DSCAM: variants seen among roughly 807,000 people sequenced by gnomAD.
DSCAM encodes DS cell adhesion molecule, also known as cell adhesion molecule DSCAM.
A neutral mutation model predicts 217.7 loss-of-function variants in DSCAM; 47 were observed. The observed-to-expected ratio is 0.22, with a 90% CI of 0.17 to 0.28. The LOEUF (loss-of-function observed/expected upper bound fraction) is 0.28, where lower values mean the gene tolerates loss of function less well. Among genes scored for constraint, DSCAM ranks in the 10% least tolerant of loss-of-function variants. The probability of loss-of-function intolerance (pLI) is 1.00; values close to 1 mark genes in which losing one functional copy is unlikely to be tolerated. For missense variants in DSCAM, 2,080 were observed against 2,618.3 expected (o/e 0.79, Z 4.49); for synonymous variants, 1,056 against 1,015.3 (o/e 1.04, Z -0.76).
At chr21:40,785,426 T>C (rs929307726) in intron 1 of DSCAM, among the ~76,000 whole-genome samples, 1 of 152,218 alleles carries the variant, frequency 6.6e-6, no homozygotes, top group Non-Finnish European at 1.5e-5. Flanking sequence ...AAGGTGCTCC[T>C]GAAGTTTCCT....
intron 4 of DSCAM, among the ~76,000 whole-genome samples, chr21:40,359,148 C>A (rs573418035): frequency 2.6e-5 from 4 of 152,146 alleles, no homozygotes; most frequent in African/African-American, 9.7e-5. Flanking sequence ...ATATGGGGAC[C>A]TGGAATCTTC....
At chr21:40,222,679 A>ATTTT (rs2091298678) in intron 11 of DSCAM, among the ~76,000 whole-genome samples, 4 of 104,444 alleles carry the variant, frequency 3.8e-5, no homozygotes, top group Admixed American at 2.1e-4. Context: ...TTCTAAAAAT[A>ATTTT]GTTTATTAAG....
At chr21:40,420,694 G>A (rs906723687) in intron 3 of DSCAM, among the ~76,000 whole-genome samples, 3 of 152,126 alleles carry the variant, frequency 2.0e-5, no homozygotes, top group Non-Finnish European at 4.4e-5. Context: ...CAATATGCCT[G>A]GTATCTTTAT....
chr21:40,578,972 A>T (rs2076880309), intron 3 of DSCAM, among the ~76,000 whole-genome samples: 1 of 152,224 alleles, frequency 6.6e-6, no homozygotes, highest in Admixed American at 6.5e-5. Flanking sequence ...CAACTTGATG[A>T]TGTAAATTGA....
At chr21:40,078,620 A>G (rs1365443481) in intron 26 of DSCAM, 67 bp downstream of exon 26, 1 of 1,555,246 alleles carries the variant, frequency 6.4e-7, no homozygotes, top group Non-Finnish European at 8.7e-7. Flanking sequence ...TCGATGGGAA[A>G]GGGGCAGGGC....
chr21:40,807,181 C>T lies in DSCAM; in HGVS notation c.43+39438G>A, dbSNP rs78462068. Among the ~76,000 whole-genome samples the T allele has an allele frequency of 8.7e-3, 1,321 of 152,172 alleles. 7 individuals carry two copies. The highest frequency in any genetic ancestry group is 0.013 in the Non-Finnish European group (884 of 68,000). On this transcript the variant is annotated intron_variant, in intron 1 of 32. Coordinates refer to ENST00000400454, the MANE Select transcript of DSCAM (RefSeq NM_001389.5). ...AGGAGAAACGTAATATAAGGAAAAA[C>T]ATAAATATTTTATTAGGGGTTTATT...
At chr21:40,524,259 A>T (rs1392556852) in intron 3 of DSCAM, among the ~76,000 whole-genome samples, 1 of 152,180 alleles carries the variant, frequency 6.6e-6, no homozygotes, top group Non-Finnish European at 1.5e-5. Flanking sequence ...AATAGCACAT[A>T]AAAATCTAAA....
intron 2 of DSCAM, among the ~76,000 whole-genome samples, chr21:40,702,261 T>G (rs781534607): frequency 2.0e-5 from 3 of 152,208 alleles, no homozygotes; most frequent in African/African-American, 7.2e-5. Context: ...CCTGCCATTA[T>G]GCATACAACT....
chr21:40,313,195 A>G (rs138736137), intron 8 of DSCAM, among the ~76,000 whole-genome samples: 1 of 152,322 alleles, frequency 6.6e-6, no homozygotes, highest in East Asian at 1.9e-4. Flanking sequence ...ACTAATAACA[A>G]CCATTAATTA....
At chr21:40,347,541 G>T in intron 6 of DSCAM, 129 bp downstream of exon 6, 1 of 1,237,442 alleles carries the variant, frequency 8.1e-7, no homozygotes. Flanking sequence ...AATTAGGGTA[G>T]AGTACTAGCT....
At chr21:40,785,441 T>C (rs1286253615) in intron 1 of DSCAM, among the ~76,000 whole-genome samples, 1 of 152,220 alleles carries the variant, frequency 6.6e-6, no homozygotes, top group East Asian at 1.9e-4. Context: ...TTTCCTAAAA[T>C]AAGGGCAGGA....
chr21:40,090,913 C>A (rs1568935446), intron 21 of DSCAM, among the ~76,000 whole-genome samples: 1 of 152,272 alleles, frequency 6.6e-6, no homozygotes, highest in African/African-American at 2.4e-5. Context: ...CTTCCATGGT[C>A]TTCTTCATCA....
At chr21:40,750,157 A>ATGTG (rs2091213981) in intron 1 of DSCAM, among the ~76,000 whole-genome samples, 1 of 151,628 alleles carries the variant, frequency 6.6e-6, no homozygotes, top group Non-Finnish European at 1.5e-5. Context: ...CAAACTCCCA[A>ATGTG]CCTGAGGTGA....
intron 3 of DSCAM, among the ~76,000 whole-genome samples, chr21:40,391,554 A>G (rs1217395361): frequency 6.6e-6 from 1 of 152,198 alleles, no homozygotes; most frequent in Non-Finnish European, 1.5e-5. Context: ...TATCAGTTTC[A>G]TACTATGATT....
intron 23 of DSCAM, among the ~76,000 whole-genome samples, chr21:40,085,381 T>C (rs1347363317): frequency 1.3e-5 from 2 of 152,198 alleles, no homozygotes; most frequent in Non-Finnish European, 1.5e-5. Context: ...TATGCAAAGA[T>C]GTTTTGTATC....
At chr21:40,615,370 TC>T (rs2146286275) in intron 3 of DSCAM, 1 of 151,548 alleles carries the variant, frequency 6.6e-6, no homozygotes, top group Non-Finnish European at 1.5e-5. Context: ...AAATGATGAA[TC>T]TATGAATAAT....
intron 1 of DSCAM, among the ~76,000 whole-genome samples, chr21:40,808,474 ATT>A (rs10538615): frequency 0.093 from 12,973 of 139,434 alleles, 606 homozygotes; most frequent in African/African-American, 0.11. Context: ...TACAACCATC[ATT>A]TTTTTTTTTT....
intron 8 of DSCAM, among the ~76,000 whole-genome samples, chr21:40,329,823 T>C (rs1041326106): frequency 6.6e-6 from 1 of 152,020 alleles, no homozygotes; most frequent in Non-Finnish European, 1.5e-5. Context: ...CTAACTCATA[T>C]ATGCAATCTA....
intron 3 of DSCAM, among the ~76,000 whole-genome samples, chr21:40,381,074 A>AAAAAAC (rs1555911739): frequency 8.8e-5 from 13 of 147,116 alleles, no homozygotes; most frequent in African/African-American, 3.4e-4. Context: ...AAAAAAAAAA[A>AAAAAAC]AAAAAAAAAA....
Sources: allele counts gnomAD v4.1 joint callset (sites outside exome capture counted in the v4.1 genomes callset), GRCh38; gene constraint gnomAD v4.1.1; transcripts MANE v1.5; gene names NCBI Gene and HGNC (gene_info 2026-07-23, HGNC 2026-07-21).